Variants in BIRC6 observed in about 807,000 individuals in gnomAD.
BIRC6 encodes the protein baculoviral IAP repeat containing 6.
A neutral mutation model predicts 503.3 loss-of-function variants in BIRC6; 98 were observed. The ratio of observed to expected loss-of-function variants is 0.19; its 90% CI spans 0.17 to 0.23. The LOEUF is 0.23. BIRC6 is among the 10% of genes least tolerant of loss of function. The pLI is 1.00. For missense variants in BIRC6, 5,360 were observed against 5,806.0 expected (o/e 0.92, Z 2.50); for synonymous variants, 2,240 against 2,078.7 (o/e 1.08, Z -2.11).
At chr2:32,561,873 C>T (rs1390689445) in intron 65 of BIRC6, among the ~76,000 whole-genome samples, 1 of 151,532 alleles carries the variant, frequency 6.6e-6, no homozygotes. Context: ...GAAACCCCGT[C>T]TTTACTAAAA....
chr2:32,380,763 T>C (rs1391910152), intron 3 of BIRC6, among the ~76,000 whole-genome samples: 1 of 152,098 alleles, frequency 6.6e-6, no homozygotes, highest in Non-Finnish European at 1.5e-5. Flanking sequence ...CTTTGAAACT[T>C]CTTAATCGAA....
chr2:32,569,558 G>A (rs1401460647), intron 65 of BIRC6, among the ~76,000 whole-genome samples: 1 of 151,936 alleles, frequency 6.6e-6, no homozygotes, highest in Non-Finnish European at 1.5e-5. Flanking sequence ...TTTTTGTAGA[G>A]ATAAGGTCTT....
At chr2:32,425,701 A>C (rs192619775) in intron 10 of BIRC6, among the ~76,000 whole-genome samples, 212 of 152,282 alleles carry the variant, frequency 1.4e-3, no homozygotes, top group African/African-American at 5.0e-3. Flanking sequence ...CTTCCTGTAG[A>C]TCCTGTTTCG....
rs1257462002 is a variant in BIRC6, at chr2:32,369,982, A to G, written c.326-7606A>G. Among the ~76,000 whole-genome samples the G allele has an allele frequency of 5.6e-3, 250 of 44,490 alleles. 4 individuals carry two copies. The highest frequency in any genetic ancestry group is 0.019 in the African/African-American group (218 of 11,404). 29.2% of individuals were successfully genotyped at this position (44,490 alleles called of 152,430 possible). A position where few individuals can be genotyped will look rare whatever the true frequency, so the allele number is the denominator to read the frequency against. On this transcript the variant is annotated intron_variant, in intron 1 of 73. Transcript: ENST00000421745. Reference sequence around the variant, plus strand: ...TATATATATATATATATATATATATATATGTATGTATGTATGTGTGTGTAT... The same window carrying G: ...TATATATATATATATATATATATATGTATGTATGTATGTATGTGTGTGTAT...
Position 32,470,308 on chromosome 2 carries a change from A to C in BIRC6, c.6481+7A>C. On this transcript the variant is annotated splice_region_variant and intron_variant, in intron 31 of 73. Transcript: ENST00000421745. ...ATGCATAGGAGGACAGAAGGTATTA[A>C]GAGAAAGCAGTGTTCTTTAGTAAAA... 6.5e-7 allele frequency: 1 copy of C among 1,548,218 alleles called. No individual in the cohort carries two copies. Among genetic ancestry groups the C allele is most frequent in the East Asian group, 2.3e-5 (1 of 42,658 alleles).
chr2:32,380,707 G>A (rs2037507429), intron 3 of BIRC6, among the ~76,000 whole-genome samples: 1 of 152,068 alleles, frequency 6.6e-6, no homozygotes, highest in Admixed American at 6.6e-5. Flanking sequence ...CAGCCTGGGG[G>A]AAAGAGTGAG....
rs1276062054 is a variant in BIRC6 at position 32,505,058 on chromosome 2, G to A, written c.9553G>A (p.Ala3185Thr). ...CCAACCAGCTGAAGTGCTATTGCAG[G>A]CCACACCTCCTCACAGAAGAGCTCG... ...TAQPAEVLLQ[A>T]TPPHRRARSA... is the part of the protein sequence containing the mutation. Residue 3185 changes from alanine (A) to threonine (T), a missense_variant, in exon 50 of 74, where the codon GCC becomes ACC. Ala to Thr is a moderately conservative substitution (Grantham distance 58). Coordinates refer to ENST00000421745, the MANE Select transcript of BIRC6 (RefSeq NM_016252.4). The A allele has an allele frequency of 1.2e-6, 2 of 1,613,596 alleles. No individual in the cohort carries two copies. Among genetic ancestry groups the A allele is most frequent in the African/African-American group, 1.3e-5 (1 of 74,922 alleles).
Position 32,529,758 on chromosome 2 carries a change from T to C in BIRC6, c.12028T>C (p.Ser4010Pro), listed in dbSNP as rs748637705. Residue 4010 changes from serine to proline, a missense_variant, in exon 60 of 74, where the codon TCA becomes CCA. By Grantham distance (74) the Ser-to-Pro change is moderately conservative (BLOSUM62 -1). This residue lies in a region of BIRC6 where 878 missense variants were observed against 928.9 expected (regional missense o/e 0.95). Transcript: ENST00000421745. Reference protein sequence around the residue: ...RSIDLTVKLGSRVITDPSLSK... With the variant: ...RSIDLTVKLGPRVITDPSLSK... Reference sequence around the variant, plus strand: ...AATAGATCTGACTGTTAAATTGGGATCAAGAGTTATAACAGACCCCAGTCT... The same window carrying C: ...AATAGATCTGACTGTTAAATTGGGACCAAGAGTTATAACAGACCCCAGTCT... The C allele has an allele frequency of 1.9e-6, 3 of 1,613,630 alleles. No individual in the cohort carries two copies. The African/African-American group carries it at 4.0e-5, about 22-fold the overall frequency.
intron 27 of BIRC6, 40 bp from the exon 28 acceptor site, chr2:32,467,863 C>G (rs1435709194): frequency 6.6e-7 from 1 of 1,503,802 alleles, no homozygotes; most frequent in East Asian, 2.4e-5. Flanking sequence ...TTTATTGTGG[C>G]AGATGTGTAT....
At chr2:32,437,001 G>T (rs1408127598) in intron 15 of BIRC6, among the ~76,000 whole-genome samples, 1 of 147,424 alleles carries the variant, frequency 6.8e-6, no homozygotes, top group African/African-American at 2.5e-5. Context: ...CAGTTCTCGT[G>T]CCTTAGCCTT....
chr2:32,474,836 T>C (rs2049542333), intron 33 of BIRC6, among the ~76,000 whole-genome samples: 1 of 152,248 alleles, frequency 6.6e-6, no homozygotes, highest in Non-Finnish European at 1.5e-5. Context: ...AAATTATGTG[T>C]ACATGCTAGT....
rs976389369 is a variant in BIRC6, at chr2:32,401,263, T to C, written c.1135T>C (p.Phe379Leu). The C allele has an allele frequency of 1.8e-5, 29 of 1,613,932 alleles. No individual in the cohort carries two copies. Among genetic ancestry groups the C allele is most frequent in the Non-Finnish European group, 2.4e-5 (28 of 1,179,894 alleles). The change falls in exon 7 of 74, where the codon TTT (phenylalanine) becomes CTT (leucine). Residue 379 changes from phenylalanine to leucine, a missense_variant. Around this residue, in one of 16 missense-constraint regions of BIRC6, gnomAD observed 92 missense variants for 176.7 expected, o/e 0.52. Coordinates refer to ENST00000421745, the MANE Select transcript of BIRC6 (RefSeq NM_016252.4). The part of the protein sequence containing the change: ...SVTLATSPAQ[F>L]PCTDGTDRIS... ...CACTCTTGCAACAAGTCCTGCACAG[T>C]TTCCTTGTACGGATGGAACTGACAG...
chr2:32,493,951 G>T (rs777231658), intron 45 of BIRC6, among the ~76,000 whole-genome samples: 2 of 152,010 alleles, frequency 1.3e-5, no homozygotes, highest in Non-Finnish European at 2.9e-5. Context: ...TTTTTAAAAG[G>T]TGAAATTTAT....
intron 3 of BIRC6, among the ~76,000 whole-genome samples, chr2:32,385,764 C>T (rs539612013): frequency 1.3e-5 from 2 of 152,290 alleles, no homozygotes; most frequent in East Asian, 3.9e-4. Context: ...TCAAAATTGG[C>T]AACCTTATAT....
chr2:32,439,451 A>G, intron 15 of BIRC6, 57 bp from the exon 16 acceptor site: 1 of 1,501,322 alleles, frequency 6.7e-7, no homozygotes, highest in Non-Finnish European at 9.1e-7. Context: ...GAAGATGAAA[A>G]ACAGTGGAAT....
At chr2:32,417,539 A>C (rs911173770) in intron 10 of BIRC6, among the ~76,000 whole-genome samples, 4 of 152,274 alleles carry the variant, frequency 2.6e-5, no homozygotes, top group East Asian at 1.9e-4. Flanking sequence ...AGTTCTATTG[A>C]TTGTCTAGCA....
At chr2:32,460,285 T>A (rs1240249375) in intron 23 of BIRC6, among the ~76,000 whole-genome samples, 133 of 99,788 alleles carry the variant, frequency 1.3e-3, no homozygotes, top group African/African-American at 3.8e-3. Context: ...TTTTTTTTTT[T>A]TTTTTTTTTT....
intron 22 of BIRC6, among the ~76,000 whole-genome samples, chr2:32,453,136 C>G (rs987568661): frequency 7.3e-5 from 11 of 151,502 alleles, no homozygotes; most frequent in African/African-American, 2.7e-4. Flanking sequence ...CATACGCAGT[C>G]CCTGTGAATT....
intron 10 of BIRC6, among the ~76,000 whole-genome samples, chr2:32,416,993 G>T (rs1409936431): frequency 6.6e-6 from 1 of 151,864 alleles, no homozygotes; most frequent in Non-Finnish European, 1.5e-5. Flanking sequence ...GTGGCACCAT[G>T]CCCGGCTAAT....
Sources: allele counts gnomAD v4.1 joint callset (sites outside exome capture counted in the v4.1 genomes callset), GRCh38; gene constraint gnomAD v4.1.1; regional missense constraint gnomAD v4.1.1; transcripts MANE v1.5; gene names NCBI Gene and HGNC (gene_info 2026-07-23, HGNC 2026-07-21).